Variants in SYT1 observed in about 807,000 individuals in gnomAD.
SYT1 encodes the protein synaptotagmin-1.
Under a neutral mutation model 44.8 loss-of-function variants are expected in SYT1, and 8 were observed. The observed-to-expected ratio is 0.18, with a 90% confidence interval of 0.10 to 0.32. The LOEUF (loss-of-function observed/expected upper bound fraction) is 0.32. SYT1 is among the 10% of genes least tolerant of loss of function. The pLI, the probability that SYT1 is intolerant of heterozygous loss-of-function variation, is 1.00. For missense variants in SYT1, 286 were observed against 509.3 expected (o/e 0.56, Z 4.22); for synonymous variants, 154 against 188.8 (o/e 0.82, Z 1.51).
At chr12:79,084,332 A>G (rs1877235917) in intron 3 of SYT1, among the ~76,000 whole-genome samples, 1 of 152,168 alleles carries the variant, frequency 6.6e-6, no homozygotes, top group Non-Finnish European at 1.5e-5. Flanking sequence ...TAGCATAAAG[A>G]TATTATGAGG....
At chr12:79,044,293 T>C (rs1003446660) in intron 2 of SYT1, among the ~76,000 whole-genome samples, 5 of 152,226 alleles carry the variant, frequency 3.3e-5, no homozygotes, top group Non-Finnish European at 5.9e-5. Context: ...TCTTTTCACA[T>C]AGTCCCATAT....
chr12:79,386,829 T>C (rs896624694), intron 9 of SYT1, among the ~76,000 whole-genome samples: 16 of 152,312 alleles, frequency 1.1e-4, no homozygotes, highest in African/African-American at 3.6e-4. Context: ...GCATTCTCAT[T>C]GCTACTTCAG....
At chr12:79,009,968 T>C (rs758754308) in intron 2 of SYT1, among the ~76,000 whole-genome samples, 2 of 152,198 alleles carry the variant, frequency 1.3e-5, no homozygotes, top group Admixed American at 1.3e-4. Context: ...TGAGCTCTGA[T>C]AATATTTCCA....
chr12:79,114,443 T>C lies in SYT1; in HGVS notation c.-18+67081T>C, dbSNP rs551558665. Among the ~76,000 whole-genome samples the C allele has an allele frequency of 4.9e-4, 74 of 152,146 alleles. 1 individual carries two copies. The highest frequency in any genetic ancestry group is 8.1e-4 in the Non-Finnish European group (55 of 68,018). On this transcript the variant is annotated intron_variant, in intron 3 of 10. Transcript: ENST00000261205. The stretch of plus-strand genomic sequence containing the variant: ...ACCTTTGGCTCTTTAATCAGGTAGC[T>C]ACAGGTATTGGGAGGTAAGGGGGCT...
intron 3 of SYT1, among the ~76,000 whole-genome samples, chr12:79,134,648 C>T (rs541232247): frequency 2.6e-5 from 4 of 151,978 alleles, no homozygotes; most frequent in Non-Finnish European, 5.9e-5. Flanking sequence ...TTAAGTCTAC[C>T]TACATTTAAA....
chr12:79,345,888 C>A (rs1209936625), intron 8 of SYT1, among the ~76,000 whole-genome samples: 1 of 152,184 alleles, frequency 6.6e-6, no homozygotes, highest in Non-Finnish European at 1.5e-5. Context: ...ATAATTGGGT[C>A]TCCATTTGTA....
chr12:79,126,202 G>A (rs1868427001), intron 3 of SYT1, among the ~76,000 whole-genome samples: 1 of 152,174 alleles, frequency 6.6e-6, no homozygotes, highest in Admixed American at 6.5e-5. Context: ...GATATCTTGA[G>A]TATGTAACCC....
chr12:78,905,677 G>C (rs560982857), intron 1 of SYT1, among the ~76,000 whole-genome samples: 5 of 151,812 alleles, frequency 3.3e-5, no homozygotes, highest in African/African-American at 1.2e-4. Flanking sequence ...TTTTATTTCA[G>C]TTTCAATAAA....
At chr12:79,089,127 A>G (rs1046939210) in intron 3 of SYT1, among the ~76,000 whole-genome samples, 7 of 152,120 alleles carry the variant, frequency 4.6e-5, no homozygotes, top group African/African-American at 1.4e-4. Flanking sequence ...TATGGCTTCA[A>G]GATCCAAGGT....
chr12:79,356,574 C>A (rs1270849423), intron 9 of SYT1, among the ~76,000 whole-genome samples: 1 of 151,996 alleles, frequency 6.6e-6, no homozygotes, highest in African/African-American at 2.4e-5. Flanking sequence ...ACGAGGAGAC[C>A]AAAATTATAT....
chr12:79,118,182 T>C (rs1177612076), intron 3 of SYT1, among the ~76,000 whole-genome samples: 1 of 152,170 alleles, frequency 6.6e-6, no homozygotes, highest in Non-Finnish European at 1.5e-5. Context: ...CTTAACCCAT[T>C]ACCTTGTACT....
intron 8 of SYT1, among the ~76,000 whole-genome samples, chr12:79,327,543 T>C (rs1193098330): frequency 1.3e-5 from 2 of 152,246 alleles, no homozygotes; most frequent in African/African-American, 4.8e-5. Context: ...CTGTAGCTTC[T>C]GCATTTAACT....
At chr12:79,051,722 A>C (rs1874505748) in intron 3 of SYT1, among the ~76,000 whole-genome samples, 1 of 152,030 alleles carries the variant, frequency 6.6e-6, no homozygotes, top group African/African-American at 2.4e-5. Flanking sequence ...AGATTCTCTG[A>C]GATTGGATTA....
chr12:79,299,331 T>C (rs924185119), intron 7 of SYT1, 53 bp from the exon 8 acceptor site: 28 of 1,568,254 alleles, frequency 1.8e-5, no homozygotes, highest in African/African-American at 6.8e-5. Flanking sequence ...ACAAGTAACA[T>C]GTTTTAAGCA....
At chr12:79,208,610 G>A (rs1874259481) in intron 3 of SYT1, among the ~76,000 whole-genome samples, 1 of 152,144 alleles carries the variant, frequency 6.6e-6, no homozygotes, top group African/African-American at 2.4e-5. Context: ...AAGCTGCGGA[G>A]AATTTCTGAA....
intron 8 of SYT1, among the ~76,000 whole-genome samples, chr12:79,342,906 A>C (rs1228880641): frequency 6.6e-6 from 1 of 152,220 alleles, no homozygotes; most frequent in African/African-American, 2.4e-5. Context: ...GGGCTTAGAG[A>C]AAATATCTAA....
At chr12:79,305,654 C>T (rs1438021482) in intron 8 of SYT1, among the ~76,000 whole-genome samples, 1 of 152,112 alleles carries the variant, frequency 6.6e-6, no homozygotes, top group Non-Finnish European at 1.5e-5. Flanking sequence ...CAAGTTTACA[C>T]GGGCAATGCC....
chr12:79,305,349 A>C (rs75077538), intron 8 of SYT1, among the ~76,000 whole-genome samples: 2,772 of 152,242 alleles, frequency 0.018, 82 homozygotes, highest in African/African-American at 0.063. Flanking sequence ...GTTCTCCCTC[A>C]CGTTGTCATA....
chr12:79,060,126 A>G (rs1262624231), intron 3 of SYT1, among the ~76,000 whole-genome samples: 3 of 152,118 alleles, frequency 2.0e-5, no homozygotes, highest in Admixed American at 2.0e-4. Context: ...AAGGTGCTCA[A>G]TGCTGGTTGA....
Sources: gnomAD v4.1 joint callset for allele counts (sites outside exome capture counted in the v4.1 genomes callset) on GRCh38, gnomAD v4.1.1 for gene constraint, MANE v1.5 for transcripts, NCBI Gene and HGNC (gene_info 2026-07-23, HGNC 2026-07-21) for gene names.